Variants in ZNF131 observed in about 807,000 individuals in gnomAD.
ZNF131 encodes zinc finger protein 131.
Under a neutral mutation model 60.0 loss-of-function variants are expected in ZNF131, and 7 were observed. The observed-to-expected ratio is 0.12, with a 90% CI of 0.07 to 0.22. The LOEUF is 0.22. Among genes scored for constraint, ZNF131 ranks in the 10% least tolerant of loss-of-function variants. The pLI, the probability that ZNF131 is intolerant of heterozygous loss-of-function variation, is 1.00. For missense variants in ZNF131, 493 were observed against 740.9 expected, an observed-to-expected ratio of 0.67 and a Z score of 3.88; for synonymous variants, 257 against 253.2, an observed-to-expected ratio of 1.01 and a Z score of -0.14.
At chr5:43,148,924 A>G (rs1031514000) in intron 4 of ZNF131, among the ~76,000 whole-genome samples, 3 of 152,120 alleles carry the variant, frequency 2.0e-5, no homozygotes, top group South Asian at 4.1e-4. Flanking sequence ...TCATCCCTAC[A>G]ATTTTATGTG....
chr5:43,154,188 G>T (rs1195538340), intron 4 of ZNF131, among the ~76,000 whole-genome samples: 1 of 152,152 alleles, frequency 6.6e-6, no homozygotes, highest in Non-Finnish European at 1.5e-5. Flanking sequence ...GAGGTGGGCA[G>T]ATTGTCTGAG....
At chr5:43,174,417 T>C (rs748011516) in intron 6 of ZNF131, 30 bp from the exon 7 acceptor site, 3 of 1,498,144 alleles carry the variant, frequency 2.0e-6, no homozygotes, top group African/African-American at 1.4e-5. Context: ...GATATAAGTA[T>C]TGTCTACATC....
intron 5 of ZNF131, 106 bp from the exon 6 acceptor site, chr5:43,173,212 G>T: frequency 8.6e-7 from 1 of 1,163,024 alleles, no homozygotes; most frequent in Non-Finnish European, 1.2e-6. Flanking sequence ...TCTCCTTTTA[G>T]GAATTTAGTA....
chr5:43,157,621 A>G (rs1435046257), intron 4 of ZNF131, among the ~76,000 whole-genome samples: 1 of 152,180 alleles, frequency 6.6e-6, no homozygotes, highest in Non-Finnish European at 1.5e-5. Context: ...TGCTTCATTA[A>G]TAGGTACTTT....
rs1227333669 is a variant in ZNF131 at position 43,146,192 on chromosome 5, A to G, written c.371+6883A>G. 3.9e-5 allele frequency among the ~76,000 whole-genome samples: 6 copies of G among 152,340 alleles called. No homozygotes were observed. In the East Asian group the frequency reaches 5.8e-4, roughly 15 times the overall value. ...CATGAGGTGCTCTTCTCACATATGCAGTATGGAATTATTTTTGGAATGTAG... is the reference window on the plus strand; with the variant it reads ...CATGAGGTGCTCTTCTCACATATGCGGTATGGAATTATTTTTGGAATGTAG... On this transcript the variant is annotated intron_variant, in intron 4 of 6. Transcript: ENST00000682664.
chr5:43,134,650 G>GC (rs1745797174), intron 3 of ZNF131, among the ~76,000 whole-genome samples: 1 of 149,446 alleles, frequency 6.7e-6, no homozygotes, highest in Admixed American at 6.7e-5. Flanking sequence ...AAAGTTGCAG[G>GC]ATACAAAATC....
intron 4 of ZNF131, among the ~76,000 whole-genome samples, chr5:43,159,419 C>T (rs1023209345): frequency 3.3e-5 from 5 of 152,044 alleles, no homozygotes; most frequent in Non-Finnish European, 7.4e-5. Context: ...TTAGGCTGGG[C>T]ACAGTGGCTC....
chr5:43,164,384 A>G (rs950369540), intron 5 of ZNF131, among the ~76,000 whole-genome samples: 1 of 152,214 alleles, frequency 6.6e-6, no homozygotes, highest in African/African-American at 2.4e-5. Context: ...CTACAGTTAC[A>G]ATTTTTGGTC....
At chr5:43,140,102 G>A (rs1178433970) in intron 4 of ZNF131, among the ~76,000 whole-genome samples, 4 of 102,728 alleles carry the variant, frequency 3.9e-5, no homozygotes, top group Admixed American at 2.5e-4. Flanking sequence ...TGTGGTCCCA[G>A]CTACTCAGGA....
At chr5:43,160,188 C>CG (rs542985021) in intron 4 of ZNF131, among the ~76,000 whole-genome samples, 5 of 124,970 alleles carry the variant, frequency 4.0e-5, no homozygotes, top group Non-Finnish European at 8.8e-5. Context: ...AAAAACAAAA[C>CG]AAAAAAAAAA....
At chr5:43,158,663 A>G (rs1437209120) in intron 4 of ZNF131, among the ~76,000 whole-genome samples, 1 of 152,236 alleles carries the variant, frequency 6.6e-6, no homozygotes, top group African/African-American at 2.4e-5. Context: ...TTAGGGGCCA[A>G]GACTTCAACA....
chr5:43,134,058 C>G (rs1745700974), intron 3 of ZNF131, among the ~76,000 whole-genome samples: 1 of 152,062 alleles, frequency 6.6e-6, no homozygotes, highest in Non-Finnish European at 1.5e-5. Flanking sequence ...AGTACCAAAG[C>G]AAGACAGGCC....
rs934467266 is a variant in ZNF131, at chr5:43,159,551, C to T, written c.372-1698C>T. On this transcript the variant is annotated intron_variant, in intron 4 of 6. Transcript: ENST00000682664. ...TCTACTAAAAAATACAAAAATTAGG[C>T]GGGCATGGTGGCAGGAGCCTGTAAT... Among the ~76,000 whole-genome samples, 8 of 151,830 alleles carry T rather than the reference C, an allele frequency of 5.3e-5. 1 individual carries two copies. Among genetic ancestry groups the T allele is most frequent in the Admixed American group, 2.6e-4 (4 of 15,222 alleles).
chr5:43,136,688 T>C (rs1232028313), intron 3 of ZNF131, among the ~76,000 whole-genome samples: 1 of 145,500 alleles, frequency 6.9e-6, no homozygotes, highest in Non-Finnish European at 1.5e-5. Flanking sequence ...AGTTTCACCA[T>C]ATCGACCAGG....
chr5:43,123,573 T>C (rs1744142716), intron 3 of ZNF131: 1 of 304,090 alleles, frequency 3.3e-6, no homozygotes, highest in Admixed American at 4.8e-5. Context: ...TGTTGGTCTT[T>C]TCCATTGTGG....
At chr5:43,145,370 G>A (rs1407216068) in intron 4 of ZNF131, among the ~76,000 whole-genome samples, 1 of 152,012 alleles carries the variant, frequency 6.6e-6, no homozygotes, top group Admixed American at 6.6e-5. Context: ...AGTAGTTTAC[G>A]GCCTGGGTGC....
rs1426150631 is a variant in ZNF131, at chr5:43,174,781, A to G, written c.1520A>G (p.Gln507Arg). Residue 507 changes from glutamine (Q) to arginine (R), a missense_variant, in exon 7 of 7, where the codon CAG becomes CGG. Coordinates refer to ENST00000682664, the MANE Select transcript of ZNF131 (RefSeq NM_001330707.2). ...QVHPDLLQDS[Q>R]VHDSHMSELP... Reference sequence around the variant, plus strand: ...CATCCAGATCTGCTCCAGGACAGCCAGGTGCACGATTCACACATGAGTGAG... The same window carrying G: ...CATCCAGATCTGCTCCAGGACAGCCGGGTGCACGATTCACACATGAGTGAG... 1.2e-6 allele frequency: 2 copies of G among 1,614,236 alleles called. No homozygotes were observed. Among genetic ancestry groups the G allele is most frequent in the Admixed American group, 1.7e-5 (1 of 60,026 alleles).
chr5:43,130,242 C>T (rs1192476965), intron 3 of ZNF131, among the ~76,000 whole-genome samples: 3 of 89,216 alleles, frequency 3.4e-5, no homozygotes, highest in Non-Finnish European at 4.5e-5. Flanking sequence ...CCAGCCTGAG[C>T]GATAGAGTAA....
In ZNF131 at chr5:43,174,479, G is replaced by A; in HGVS notation, c.1218G>A (p.Gln406=). The change falls in exon 7 of 7, where the codon CAG becomes CAA. Residue 406 remains glutamine, a synonymous_variant. Transcript: ENST00000682664. ...VCNSVFNSWD[Q]FKDHLVIHTG... ...ACAGTGTGTTTAACAGCTGGGACCA[G>A]TTCAAAGATCACTTGGTAATACACA... The A allele has an allele frequency of 6.5e-7, 1 of 1,545,448 alleles. No homozygotes were observed. The highest frequency in any genetic ancestry group is 8.7e-7 in the Non-Finnish European group (1 of 1,146,190).
Sources: gnomAD v4.1 joint callset for allele counts (sites outside exome capture counted in the v4.1 genomes callset) on GRCh38, gnomAD v4.1.1 for gene constraint, MANE v1.5 for transcripts, NCBI Gene and HGNC (gene_info 2026-07-23, HGNC 2026-07-21) for gene names.